R3HDM2: variants seen among roughly 807,000 people sequenced by gnomAD.
The protein encoded by R3HDM2 is R3H domain containing 2.
A neutral mutation model predicts 124.5 loss-of-function variants in R3HDM2; 38 were observed. The observed-to-expected ratio is 0.31, with a 90% CI of 0.24 to 0.40. The LOEUF (loss-of-function observed/expected upper bound fraction) is 0.40. R3HDM2 is among the 10% of genes least tolerant of loss of function. R3HDM2 has a pLI of 1.00. For synonymous variants in R3HDM2, 391 were observed against 448.0 expected (o/e 0.87, Z 1.61); for missense variants, 869 against 1,236.9 (o/e 0.70, Z 4.46).
chr12:57,317,772 C>T (rs987559136), intron 2 of R3HDM2, among the ~76,000 whole-genome samples: 14 of 150,666 alleles, frequency 9.3e-5, no homozygotes, highest in Non-Finnish European at 1.3e-4. Context: ...GTCAGGAGTT[C>T]GAGTCCAGCC....
intron 1 of R3HDM2, among the ~76,000 whole-genome samples, chr12:57,425,779 C>T (rs906386631): frequency 1.1e-4 from 17 of 152,138 alleles, no homozygotes; most frequent in African/African-American, 4.1e-4. Context: ...GCCTGGGAGA[C>T]ACAGCAAGAC....
At chr12:57,403,044 G>A (rs2068185584) in intron 1 of R3HDM2, among the ~76,000 whole-genome samples, 1 of 152,042 alleles carries the variant, frequency 6.6e-6, no homozygotes, top group Non-Finnish European at 1.5e-5. Context: ...CGTAGGAAGT[G>A]ACTGGTTTGG....
At chr12:57,306,626 G>A (rs1390436530) in intron 3 of R3HDM2, among the ~76,000 whole-genome samples, 1 of 152,012 alleles carries the variant, frequency 6.6e-6, no homozygotes, top group Non-Finnish European at 1.5e-5. Context: ...GGCCAGGATG[G>A]GCTCAATCTC....
chr12:57,357,223 C>T (rs1346382530), intron 2 of R3HDM2, among the ~76,000 whole-genome samples: 7 of 152,008 alleles, frequency 4.6e-5, no homozygotes, highest in African/African-American at 1.4e-4. Flanking sequence ...TTTGGGAGGC[C>T]GAGGCAGGTG....
At chr12:57,395,275 C>T (rs1024300041) in intron 2 of R3HDM2, among the ~76,000 whole-genome samples, 207 of 151,898 alleles carry the variant, frequency 1.4e-3, no homozygotes, top group African/African-American at 4.8e-3. Context: ...AAGGCTGAGG[C>T]GGCCAGGTCA....
At chr12:57,385,239 T>TA (rs1219735501) in intron 2 of R3HDM2, among the ~76,000 whole-genome samples, 2 of 150,192 alleles carry the variant, frequency 1.3e-5, no homozygotes, top group Non-Finnish European at 3.0e-5. Context: ...GATAAAAACT[T>TA]AAAGACTTTT....
chr12:57,325,539 CT>C (rs1432590295), intron 2 of R3HDM2, among the ~76,000 whole-genome samples: 1 of 152,008 alleles, frequency 6.6e-6, no homozygotes, highest in Non-Finnish European at 1.5e-5. Flanking sequence ...CCTGGACTGA[CT>C]ACCTCTGATT....
intron 1 of R3HDM2, among the ~76,000 whole-genome samples, chr12:57,412,877 T>C (rs776336): frequency 0.97 from 147,686 of 151,740 alleles, 71,999 homozygotes; most frequent in Middle Eastern, 1. Context: ...ACGGGCCGGG[T>C]GCAGTGGCTC....
At chr12:57,315,747 T>C (rs1405474332) in intron 2 of R3HDM2, among the ~76,000 whole-genome samples, 2 of 152,180 alleles carry the variant, frequency 1.3e-5, no homozygotes, top group African/African-American at 4.8e-5. Flanking sequence ...CTTCATTCAT[T>C]GGAGAAACAG....
At chr12:57,333,897 C>G (rs947228028) in intron 2 of R3HDM2, among the ~76,000 whole-genome samples, 1 of 151,910 alleles carries the variant, frequency 6.6e-6, no homozygotes, top group Non-Finnish European at 1.5e-5. Context: ...AAAAAATTAG[C>G]CGGGCGTGGT....
chr12:57,269,640 G>T, intron 15 of R3HDM2, 112 bp downstream of exon 15: 3 of 1,505,458 alleles, frequency 2.0e-6, no homozygotes, highest in Non-Finnish European at 2.7e-6. Context: ...ACTCTCAAGT[G>T]CAAGGTAGGG....
At chr12:57,427,653 A>C (rs964188512) in intron 1 of R3HDM2, among the ~76,000 whole-genome samples, 2 of 149,264 alleles carry the variant, frequency 1.3e-5, no homozygotes, top group African/African-American at 4.9e-5. Flanking sequence ...CCTGGCCCTG[A>C]AGCTTTCTAC....
At chr12:57,370,399 G>GGGT in intron 2 of R3HDM2, among the ~76,000 whole-genome samples, 1 of 131,028 alleles carries the variant, frequency 7.6e-6, no homozygotes, top group Non-Finnish European at 1.7e-5. Flanking sequence ...GGGAGGCCCG[G>GGGT]GGGGGGGGGG....
At chr12:57,337,372 C>T (rs938077381) in intron 2 of R3HDM2, among the ~76,000 whole-genome samples, 4 of 151,978 alleles carry the variant, frequency 2.6e-5, no homozygotes, top group East Asian at 1.9e-4. Flanking sequence ...AGGCTGGTTT[C>T]GAACTCGGGC....
chr12:57,312,420 A>G (rs138012069), intron 2 of R3HDM2, among the ~76,000 whole-genome samples: 2 of 151,490 alleles, frequency 1.3e-5, no homozygotes, highest in Non-Finnish European at 2.9e-5. Context: ...GAGTGGTGGC[A>G]TGTGCCTGTA....
intron 3 of R3HDM2, among the ~76,000 whole-genome samples, chr12:57,306,560 CA>C (rs2052625656): frequency 6.6e-6 from 1 of 152,038 alleles, no homozygotes; most frequent in Non-Finnish European, 1.5e-5. Flanking sequence ...AGGCATGCGT[CA>C]CCACACCCAG....
rs1282010388 is a variant in R3HDM2 at position 57,299,440 on chromosome 12, C to T, written c.333G>A (p.Lys111=). The T allele has an allele frequency of 1.9e-6, 3 of 1,545,432 alleles. No homozygotes were observed. Among genetic ancestry groups the T allele is most frequent in the South Asian group, 1.2e-5 (1 of 83,936 alleles). ...IQLHISCPSD[K]EEEKSTKDVS... Reference sequence around the variant, plus strand: ...CATCTTTTGTGGACTTTTCTTCCTCCTTGTCAGAAGGGCAACTGATGTGCA... The same window carrying T: ...CATCTTTTGTGGACTTTTCTTCCTCTTTGTCAGAAGGGCAACTGATGTGCA... The change falls in exon 6 of 24, where the codon AAG becomes AAA. Residue 111 remains lysine (K), a synonymous_variant. Coordinates refer to ENST00000402412, the MANE Select transcript of R3HDM2 (RefSeq NM_001394031.1).
chr12:57,419,642 A>G (rs2069994738), intron 1 of R3HDM2, among the ~76,000 whole-genome samples: 1 of 151,966 alleles, frequency 6.6e-6, no homozygotes, highest in African/African-American at 2.4e-5. Context: ...GTGTCTCACA[A>G]TGTTGCCCAG....
chr12:57,388,025 C>T (rs928249797), intron 2 of R3HDM2, among the ~76,000 whole-genome samples: 2 of 151,466 alleles, frequency 1.3e-5, no homozygotes, highest in Non-Finnish European at 2.9e-5. Context: ...AGTGCAATGG[C>T]GGGATATCAG....
Sources: gnomAD v4.1 joint callset for allele counts (sites outside exome capture counted in the v4.1 genomes callset) on GRCh38, gnomAD v4.1.1 for gene constraint, MANE v1.5 for transcripts, NCBI Gene and HGNC (gene_info 2026-07-23, HGNC 2026-07-21) for gene names.